ANKRD11: variants seen among roughly 807,000 people sequenced by gnomAD.
The protein encoded by ANKRD11 is ankyrin repeat domain 11, also known as ankyrin repeat domain-containing protein 11.
Under a neutral mutation model 195.7 loss-of-function variants are expected in ANKRD11, and 17 were observed. The ratio of observed to expected loss-of-function variants is 0.09; its 90% CI spans 0.06 to 0.13. The LOEUF is 0.13. ANKRD11 is among the 10% of genes least tolerant of loss of function. The probability of loss-of-function intolerance (pLI) is 1.00; values close to 1 mark genes in which losing one functional copy is unlikely to be tolerated. For missense variants in ANKRD11, 3,735 were observed against 3,566.1 expected (o/e 1.05, Z -1.21); for synonymous variants, 1,953 against 1,528.1 (o/e 1.28, Z -6.49).
Position 89,281,054 on chromosome 16 carries a change from C to G in ANKRD11, c.5488G>C (p.Glu1830Gln), listed in dbSNP as rs1269484281. 6.2e-7 allele frequency: 1 copy of G among 1,604,860 alleles called. No individual in the cohort carries two copies. The highest frequency in any genetic ancestry group is 8.5e-7 in the Non-Finnish European group (1 of 1,173,672). Residue 1830 changes from glutamate to glutamine, a missense_variant, in exon 9 of 13, where the codon GAA becomes CAA. Coordinates refer to ENST00000301030, the MANE Select transcript of ANKRD11 (RefSeq NM_013275.6). The surrounding 1 kb of genome is among the most constrained non-coding windows in gnomAD (Gnocchi z 5.5). ...ACCGGGGGCAGGGGCGCCCTGTCTT[C>G]CATCGAGGGTGGCATGGGAGAGTCG... ...SYDSPMPPSM[E>Q]DRAPLPPVPA...
At chr16:89,287,239 C>G (rs1453690614) in intron 7 of ANKRD11, 2 of 474,322 alleles carry the variant, frequency 4.2e-6, no homozygotes, top group Non-Finnish European at 7.0e-6. Flanking sequence ...TCCTCGGGTT[C>G]TAACCTCTCC....
chr16:89,286,728 T>G, intron 7 of ANKRD11: 1 of 1,270,024 alleles, frequency 7.9e-7, no homozygotes, highest in South Asian at 1.3e-5. Context: ...TGCTTGATTT[T>G]ACAAGGGTAA....
chr16:89,351,799 G>C (rs1400391160), intron 2 of ANKRD11, among the ~76,000 whole-genome samples: 2 of 152,224 alleles, frequency 1.3e-5, no homozygotes, highest in African/African-American at 4.8e-5. Context: ...TGACAGCAAT[G>C]TTCTAGAACT....
chr16:89,270,441 C>A (rs2033041722), intron 12 of ANKRD11: 2 of 364,942 alleles, frequency 5.5e-6, no homozygotes, highest in East Asian at 1.4e-4. Context: ...CCCTTCCCGG[C>A]ACCTCCCCCG....
intron 1 of ANKRD11, chr16:89,489,233 GCGCGCGCGCGCGCACACA>G (rs1473137639): frequency 1.3e-4 from 20 of 150,482 alleles, no homozygotes; most frequent in Non-Finnish European, 2.5e-4. Context: ...ACACGCGCGC[GCGCGCGCGCGCGCACACA>G]CATACACCAC....
At chr16:89,488,188 G>A (rs1597572454) in intron 1 of ANKRD11, among the ~76,000 whole-genome samples, 1 of 152,168 alleles carries the variant, frequency 6.6e-6, no homozygotes, top group East Asian at 1.9e-4. Flanking sequence ...GTCAAATTTA[G>A]CACTATCTTG....
At chr16:89,408,979 G>A (rs1384655344) in intron 2 of ANKRD11, among the ~76,000 whole-genome samples, 2 of 152,144 alleles carry the variant, frequency 1.3e-5, no homozygotes, top group South Asian at 2.1e-4. Flanking sequence ...GAGGAATACA[G>A]AAAAGGCGGC....
chr16:89,269,743 G>A (rs1280412500), intron 12 of ANKRD11, among the ~76,000 whole-genome samples: 2 of 151,854 alleles, frequency 1.3e-5, no homozygotes, highest in Non-Finnish European at 2.9e-5. Flanking sequence ...TTACAGGCAC[G>A]CACCACCATG....
chr16:89,328,163 A>G (rs1196487000), intron 2 of ANKRD11, among the ~76,000 whole-genome samples: 1 of 152,234 alleles, frequency 6.6e-6, no homozygotes, highest in African/African-American at 2.4e-5. Flanking sequence ...ATATTACTGC[A>G]CACCAATCGG....
rs371194736 is a variant in ANKRD11 at position 89,388,004 on chromosome 16, C to G, written c.-60+30280G>C. ...CTCCAGCCTGGGCAACAGAGCAAGA[C>G]TCCATCTCAAAAAAAAAAAAAAAGG... is the stretch of plus-strand genomic sequence containing the variant. On this transcript the variant is annotated intron_variant, in intron 2 of 12. Coordinates refer to ENST00000301030, the MANE Select transcript of ANKRD11 (RefSeq NM_013275.6). 4.8e-5 allele frequency among the ~76,000 whole-genome samples: 7 copies of G among 147,188 alleles called. No individual in the cohort carries two copies. In the South Asian group the frequency reaches 1.3e-3, roughly 27 times the overall value.
Position 89,281,793 on chromosome 16 carries a change from G to A in ANKRD11, c.4749C>T (p.Phe1583=), listed in dbSNP as rs373632845. The change falls in exon 9 of 13, where the codon TTC becomes TTT. Residue 1583 remains phenylalanine, a synonymous_variant. Coordinates refer to ENST00000301030, the MANE Select transcript of ANKRD11 (RefSeq NM_013275.6). The surrounding 1 kb of genome is among the most constrained non-coding windows in gnomAD (Gnocchi z 5.5). ...GGTCCTTCTGGGACAGCATCCTCTC[G>A]AAGCTGGTCATCATCAGGTCGCCGT... The part of the protein sequence containing the change: ...LGDGDLMMTS[F]ERMLSQKDLE... 1.8e-5 allele frequency: 29 copies of A among 1,613,820 alleles called. No individual in the cohort carries two copies. Among genetic ancestry groups the A allele is most frequent in the Non-Finnish European group, 2.2e-5 (26 of 1,180,016 alleles).
Position 89,429,228 on chromosome 16 carries a change from A to G in ANKRD11, c.-144-10860T>C, listed in dbSNP as rs75058062. ...TACACAGCAGGGACTCTCAACTCTC[A>G]CGCTCAGACGTTCTAGTACACAGCA... On this transcript the variant is annotated intron_variant, in intron 1 of 12. Transcript: ENST00000301030. Among the ~76,000 whole-genome samples the G allele has an allele frequency of 1.7e-3, 146 of 87,268 alleles. 3 individuals are homozygous for G. The highest frequency in any genetic ancestry group is 2.5e-3 in the South Asian group (6 of 2,358). 57.3% of individuals were successfully genotyped at this position (87,268 alleles called of 152,430 possible).
chr16:89,451,894 A>C (rs2044092196), intron 1 of ANKRD11, among the ~76,000 whole-genome samples: 2 of 152,214 alleles, frequency 1.3e-5, no homozygotes, highest in Admixed American at 1.3e-4. Flanking sequence ...TTAGGGTACA[A>C]GCTGAAATAA....
intron 9 of ANKRD11, chr16:89,278,323 G>C (rs879622867): frequency 2.0e-5 from 7 of 354,188 alleles, no homozygotes; most frequent in African/African-American, 4.3e-5. Context: ...GGAGGAGGTG[G>C]GAACCCAGTC....
intron 4 of ANKRD11, among the ~76,000 whole-genome samples, chr16:89,295,708 G>T (rs78493476): frequency 0.015 from 2,352 of 152,158 alleles, 50 homozygotes; most frequent in African/African-American, 0.054. Flanking sequence ...AACGGCGGTG[G>T]CACCTGGCTC....
chr16:89,452,944 C>A (rs1001836442), intron 1 of ANKRD11, among the ~76,000 whole-genome samples: 2 of 152,036 alleles, frequency 1.3e-5, no homozygotes, highest in African/African-American at 4.8e-5. Flanking sequence ...TAAACACATA[C>A]CATCTTTTAT....
chr16:89,276,057 C>T (rs1213751817), intron 9 of ANKRD11, among the ~76,000 whole-genome samples: 5 of 152,194 alleles, frequency 3.3e-5, no homozygotes, highest in South Asian at 2.1e-4. Flanking sequence ...AATGGCAAGG[C>T]GGAGCCGGGT....
intron 2 of ANKRD11, among the ~76,000 whole-genome samples, chr16:89,394,206 C>T (rs2041325970): frequency 6.6e-6 from 1 of 152,206 alleles, no homozygotes; most frequent in Admixed American, 6.5e-5. Flanking sequence ...ACCTGCTTCC[C>T]TCCACGACAT....
chr16:89,472,361 G>A (rs2057114243), intron 1 of ANKRD11, among the ~76,000 whole-genome samples: 1 of 151,342 alleles, frequency 6.6e-6, no homozygotes, highest in African/African-American at 2.4e-5. Flanking sequence ...CAGGAGATCT[G>A]CACATTTACT....
Sources: gnomAD v4.1 joint callset for allele counts (sites outside exome capture counted in the v4.1 genomes callset) on GRCh38, gnomAD v4.1.1 for gene constraint, Gnocchi (gnomAD v3.1) non-coding constraint, MANE v1.5 for transcripts, NCBI Gene and HGNC (gene_info 2026-07-23, HGNC 2026-07-21) for gene names.